UVSSA: variants seen among roughly 807,000 people sequenced by gnomAD.
UVSSA encodes the protein UV-stimulated scaffold protein A.
In UVSSA, 72 loss-of-function variants were observed where a neutral mutation model predicts 73.9. The observed-to-expected ratio is 0.97, with a 90% CI of 0.81 to 1.19. The LOEUF (loss-of-function observed/expected upper bound fraction) is 1.19, where lower values mean the gene tolerates loss of function less well. Among genes scored for constraint, UVSSA ranks in the 50% most tolerant of loss-of-function variants. UVSSA has a pLI of 0.00. For missense variants in UVSSA, 1,150 were observed against 965.0 expected (o/e 1.19, Z -2.54); for synonymous variants, 454 against 391.3 (o/e 1.16, Z -1.89).
At chr4:1,379,901 T>C in intron 10 of UVSSA, 146 bp from the exon 11 acceptor site, 1 of 873,598 alleles carries the variant, frequency 1.1e-6, no homozygotes, top group Non-Finnish European at 1.6e-6. Flanking sequence ...CAGCCGGGAG[T>C]GACCGTGTTC....
chr4:1,359,761 C>T (rs1716354845), intron 7 of UVSSA, among the ~76,000 whole-genome samples: 3 of 152,168 alleles, frequency 2.0e-5, no homozygotes, highest in Admixed American at 6.5e-5. Flanking sequence ...CTGCCTGCCT[C>T]CTCCACCGGC....
Position 1,386,046 on chromosome 4 carries a change from G to A in UVSSA, c.*85G>A. On this transcript the variant is annotated 3_prime_UTR_variant, in exon 14 of 14. Coordinates refer to ENST00000389851, the MANE Select transcript of UVSSA (RefSeq NM_020894.4). Reference sequence around the variant, plus strand: ...AGCAGAGTGGGCGTGGGTCTGGGCAGTAACCATGCTTTGTCTATTACTGTG... The same window carrying A: ...AGCAGAGTGGGCGTGGGTCTGGGCAATAACCATGCTTTGTCTATTACTGTG... 3 of 1,368,384 alleles carry A rather than the reference G, an allele frequency of 2.2e-6. No homozygotes were observed. Among genetic ancestry groups the A allele is most frequent in the South Asian group, 1.2e-5 (1 of 85,130 alleles). The allele number at this position is 1,368,384 out of a possible 1,614,324, so 84.8% of individuals were successfully genotyped here.
intron 12 of UVSSA, among the ~76,000 whole-genome samples, chr4:1,382,557 G>A (rs1030851636): frequency 6.6e-6 from 1 of 152,314 alleles, no homozygotes; most frequent in South Asian, 2.1e-4. Flanking sequence ...TGAGACGCTC[G>A]CTCCATCTCT....
At chr4:1,377,340 C>T (rs562141939) in intron 10 of UVSSA, among the ~76,000 whole-genome samples, 2 of 152,166 alleles carry the variant, frequency 1.3e-5, no homozygotes, top group Non-Finnish European at 2.9e-5. Flanking sequence ...GGATGGTAAG[C>T]GAGGCAGGCC....
chr4:1,370,976 G>A (rs58750335), intron 8 of UVSSA, among the ~76,000 whole-genome samples: 21,056 of 152,196 alleles, frequency 0.14, 1,632 homozygotes, highest in African/African-American at 0.19. Context: ...CCCTGTGCCC[G>A]GCGGCCTTGC....
In UVSSA at chr4:1,355,198, A is replaced by G. The variant is rs769534968; in HGVS notation, c.1129A>G (p.Lys377Glu). Residue 377 changes from lysine (K) to glutamate (E), a missense_variant, in exon 7 of 14, where the codon AAA becomes GAA. By Grantham distance (56) the Lys-to-Glu change is moderately conservative. Transcript: ENST00000389851. ...GGCTGAATTGGAGCTCGTACTGAGA[A>G]AATACAAGGAGCTGGACATCGAGCC... ...LKAELELVLR[K>E]YKELDIEPEG... 34 of 1,613,444 alleles carry G rather than the reference A, an allele frequency of 2.1e-5. No homozygotes were observed. In the East Asian group the frequency reaches 7.4e-4, roughly 35 times the overall value.
At chr4:1,374,244 G>A (rs971005270) in intron 8 of UVSSA, among the ~76,000 whole-genome samples, 1 of 152,228 alleles carries the variant, frequency 6.6e-6, no homozygotes, top group Admixed American at 6.5e-5. Context: ...TGCTCCTGCA[G>A]CAGGTTTGGG....
At chr4:1,345,675 GGCT>G (rs1713611754), upstream of UVSSA, among the ~76,000 whole-genome samples, 1 of 114,070 alleles carries the variant, frequency 8.8e-6, no homozygotes, top group Non-Finnish European at 1.8e-5. Flanking sequence ...AAAAAAAAAA[GGCT>G]GCAGGGCCAT....
chr4:1,383,857 G>A lies in UVSSA; in HGVS notation c.1953G>A (p.Lys651=), dbSNP rs1719790626. 6.2e-7 allele frequency: 1 copy of A among 1,613,518 alleles called. No homozygotes were observed. The part of the protein sequence containing the change: ...SSRYSGKGRG[K]KRRYPSLTNL... ...GGTACAGCGGGAAAGGCAGGGGGAAGAAGAGGAGGTACCCCAGCCTCACCA... is the reference window on the plus strand; with the variant it reads ...GGTACAGCGGGAAAGGCAGGGGGAAAAAGAGGAGGTACCCCAGCCTCACCA... The change falls in exon 13 of 14, where the codon AAG becomes AAA. Residue 651 remains lysine, a synonymous_variant. Coordinates refer to ENST00000389851, the MANE Select transcript of UVSSA (RefSeq NM_020894.4).
chr4:1,381,731 A>G lies in UVSSA; in HGVS notation c.1861+743A>G, dbSNP rs143841387. Among the ~76,000 whole-genome samples, 21 of 137,062 alleles carry G rather than the reference A, an allele frequency of 1.5e-4. No individual in the cohort carries two copies. In the East Asian group the frequency reaches 3.8e-3, roughly 25 times the overall value. 89.9% of individuals were successfully genotyped at this position (137,062 alleles called of 152,430 possible). A position where few individuals can be genotyped will look rare whatever the true frequency, so the allele number is the denominator to read the frequency against. ...GAAGCAGGGTCTCTCTCTGTCACCC[A>G]GGCTAGAGTGCAGTGGCGCAGTCAT... On this transcript the variant is annotated intron_variant, in intron 12 of 13. Transcript: ENST00000389851.
In UVSSA at chr4:1,387,586, C is replaced by G. The variant is rs906274337; in HGVS notation, c.*1625C>G. On this transcript the variant is annotated 3_prime_UTR_variant, in exon 14 of 14. Transcript: ENST00000389851. ...TAATAAGCATTTTATAATTTCAGCT[C>G]TTATGTGTAGATCTTTGATCCATTG... The G allele has an allele frequency of 1.3e-5, 2 of 152,120 alleles. No individual in the cohort carries two copies. Among genetic ancestry groups the G allele is most frequent in the Non-Finnish European group, 2.9e-5 (2 of 68,012 alleles). The allele number at this position is 152,120 out of a possible 1,614,324, so 9.4% of individuals were successfully genotyped here.
At chr4:1,346,473 T>C (rs1713697555), upstream of UVSSA, among the ~76,000 whole-genome samples, 1 of 152,212 alleles carries the variant, frequency 6.6e-6, no homozygotes, top group Admixed American at 6.5e-5. Context: ...CGTTCGAGGC[T>C]GCGGACTTCG....
chr4:1,349,744 C>T lies in UVSSA; in HGVS notation c.319C>T (p.Gln107Ter), dbSNP rs1458783215. The T allele has an allele frequency of 1.2e-6, 2 of 1,612,936 alleles. No homozygotes were observed. Among genetic ancestry groups the T allele is most frequent in the Non-Finnish European group, 1.7e-6 (2 of 1,179,420 alleles). The change falls in exon 3 of 14, where the codon CAG (glutamine) becomes TAG (stop). Residue 107 changes from glutamine (Q) to a stop codon, truncating the protein, a stop_gained. Transcript: ENST00000389851. LOFTEE classifies it high-confidence loss of function. ...TCTGCCGCCCCCCAGGGAGGCGGCA[C>T]AGAGGCTGAGGCAGGCGACCACCCG... ...QPLPPPREAA[Q>*]RLRQATTRAV... is the part of the protein sequence containing the mutation.
intron 12 of UVSSA, among the ~76,000 whole-genome samples, chr4:1,381,888 G>T (rs570650213): frequency 6.6e-6 from 1 of 152,200 alleles, no homozygotes; most frequent in East Asian, 1.9e-4. Context: ...GCCCAAGCTG[G>T]TCTTGAACTC....
chr4:1,380,823 G>A, intron 11 of UVSSA, 57 bp from the exon 12 acceptor site: 2 of 1,595,220 alleles, frequency 1.3e-6, no homozygotes, highest in Non-Finnish European at 1.7e-6. Flanking sequence ...GTGGGGGGAG[G>A]TGGTCAAGGC....
At chr4:1,367,082 G>A (rs1288302429) in intron 8 of UVSSA, among the ~76,000 whole-genome samples, 2 of 152,208 alleles carry the variant, frequency 1.3e-5, no homozygotes, top group Non-Finnish European at 2.9e-5. Flanking sequence ...TGATGCCACA[G>A]CCTCGGGTCT....
chr4:1,345,438 A>G (rs1713591172), upstream of UVSSA, among the ~76,000 whole-genome samples: 1 of 152,084 alleles, frequency 6.6e-6, no homozygotes, highest in South Asian at 2.1e-4. Context: ...TGAAGTCAGG[A>G]GTTCGAGACC....
chr4:1,354,459 C>T (rs1361420786), intron 5 of UVSSA: 1 of 476,342 alleles, frequency 2.1e-6, no homozygotes, highest in Admixed American at 3.3e-5. Flanking sequence ...GGTGGTCTCG[C>T]CCTCCAGATG....
chr4:1,366,563 T>G, intron 8 of UVSSA, 132 bp downstream of exon 8: 1 of 632,662 alleles, frequency 1.6e-6, no homozygotes, highest in Admixed American at 3.1e-5. Context: ...TGGTTTAAAA[T>G]GCTGCTTTTC....
Sources: allele counts gnomAD v4.1 joint callset (sites outside exome capture counted in the v4.1 genomes callset), GRCh38; gene constraint gnomAD v4.1.1; transcripts MANE v1.5; gene names NCBI Gene and HGNC (gene_info 2026-07-23, HGNC 2026-07-21).